Variants in PCCA observed in about 807,000 individuals in gnomAD.
PCCA encodes propionyl-CoA carboxylase subunit alpha.
A neutral mutation model predicts 101.3 loss-of-function variants in PCCA; 74 were observed. The ratio of observed to expected loss-of-function variants is 0.73; its 90% CI spans 0.61 to 0.89. The LOEUF is 0.89. Among genes scored for constraint, PCCA ranks in the 40% least tolerant of loss-of-function variants. PCCA has a pLI of 0.00. For synonymous variants in PCCA, 294 were observed against 313.6 expected, an observed-to-expected ratio of 0.94 and a Z score of 0.66; for missense variants, 891 against 907.0, an observed-to-expected ratio of 0.98 and a Z score of 0.23.
chr13:100,332,999 T>C (rs142765928), intron 17 of PCCA, among the ~76,000 whole-genome samples: 2 of 152,156 alleles, frequency 1.3e-5, no homozygotes, highest in African/African-American at 2.4e-5. Flanking sequence ...TATGCTGGGG[T>C]TCAAATTCAT....
intron 21 of PCCA, among the ~76,000 whole-genome samples, chr13:100,458,519 CA>C (rs1033906093): frequency 6.6e-6 from 1 of 151,382 alleles, no homozygotes; most frequent in African/African-American, 2.4e-5. Context: ...CCTATAGACC[CA>C]GGTACTCAGA....
chr13:100,162,080 A>ATG (rs3034650), intron 6 of PCCA, among the ~76,000 whole-genome samples: 18,913 of 146,814 alleles, frequency 0.13, 1,240 homozygotes, highest in Non-Finnish European at 0.16. Context: ...GTGTGTCTGT[A>ATG]TGTGTGTGTG....
At chr13:100,365,959 C>A (rs1378811920) in intron 18 of PCCA, among the ~76,000 whole-genome samples, 4 of 152,118 alleles carry the variant, frequency 2.6e-5, no homozygotes, top group Non-Finnish European at 4.4e-5. Context: ...AAGAGTCTGT[C>A]CTAACCAAAT....
chr13:100,204,132 CTT>C (rs781004968), intron 6 of PCCA, among the ~76,000 whole-genome samples: 4 of 138,666 alleles, frequency 2.9e-5, no homozygotes, highest in Admixed American at 7.3e-5. Context: ...TTTTCCGTGG[CTT>C]TTTTTTTTTT....
rs2069402180 is a variant in PCCA, at chr13:100,330,574, T to C, written c.1443T>C (p.Asn481=). 6.2e-7 allele frequency: 1 copy of C among 1,600,460 alleles called. No individual in the cohort carries two copies. The highest frequency in any genetic ancestry group is 8.6e-7 in the Non-Finnish European group (1 of 1,168,262). The change falls in exon 17 of 24, where the codon AAT becomes AAC. Residue 481 remains asparagine (N), a synonymous_variant. Transcript: ENST00000376285. ...DNYVIRGVTH[N]IALLREVIIN... is the part of the protein sequence containing the mutation. ...TTTTACTTTTAGGTGTTACACATAA[T>C]ATTGCATTACTTCGAGAGGTGATAA...
chr13:100,322,147 A>G (rs567662401), intron 16 of PCCA, among the ~76,000 whole-genome samples: 1 of 152,300 alleles, frequency 6.6e-6, no homozygotes, highest in East Asian at 1.9e-4. Context: ...GAGGTCATTC[A>G]AAGATACACA....
At chr13:100,526,906 A>G (rs1334605664) in intron 22 of PCCA, among the ~76,000 whole-genome samples, 1 of 152,234 alleles carries the variant, frequency 6.6e-6, no homozygotes, top group East Asian at 1.9e-4. Flanking sequence ...GGGCGCTCCC[A>G]GTCTCCTAGC....
chr13:100,201,886 A>C (rs1038681410), intron 6 of PCCA, among the ~76,000 whole-genome samples: 2 of 144,890 alleles, frequency 1.4e-5, no homozygotes, highest in African/African-American at 2.6e-5. Context: ...AAAAAAAAAA[A>C]AACCAAAAGC....
At chr13:100,114,396 G>A (rs1350459406) in intron 4 of PCCA, among the ~76,000 whole-genome samples, 2 of 152,026 alleles carry the variant, frequency 1.3e-5, no homozygotes, top group East Asian at 1.9e-4. Flanking sequence ...TAAATAAATG[G>A]ATGTTTAACC....
rs569877709 is a variant in PCCA at position 100,150,784 on chromosome 13, C to G, written c.301-4195C>G. On this transcript the variant is annotated intron_variant, in intron 4 of 23. Coordinates refer to ENST00000376285, the MANE Select transcript of PCCA (RefSeq NM_000282.4). Reference sequence around the variant, plus strand: ...AAGCCCCACAGTGGCGTCCAGCTTGCTCCTCTGCAACGGACTGAAGGCTTG... The same window carrying G: ...AAGCCCCACAGTGGCGTCCAGCTTGGTCCTCTGCAACGGACTGAAGGCTTG... 2.0e-5 allele frequency: 31 copies of G among 1,587,014 alleles called. No homozygotes were observed. The African/African-American group carries it at 3.5e-4, about 18-fold the overall frequency.
intron 4 of PCCA, among the ~76,000 whole-genome samples, chr13:100,124,400 A>G (rs1350410438): frequency 2.0e-5 from 3 of 152,222 alleles, no homozygotes; most frequent in Non-Finnish European, 1.5e-5. Flanking sequence ...TTAGGGAAGT[A>G]TTCACTGTGA....
chr13:100,420,634 C>G (rs185423677), intron 19 of PCCA, among the ~76,000 whole-genome samples: 1 of 152,016 alleles, frequency 6.6e-6, no homozygotes, highest in African/African-American at 2.4e-5. Context: ...GGCTTTGTAA[C>G]CACAGAATTA....
chr13:100,525,030 C>T (rs61971601), intron 22 of PCCA, among the ~76,000 whole-genome samples: 1,132 of 107,472 alleles, frequency 0.011, 7 homozygotes, highest in African/African-American at 0.026. Flanking sequence ...GATAGATAGA[C>T]AGACAGACAG....
intron 22 of PCCA, among the ~76,000 whole-genome samples, chr13:100,516,830 G>A (rs1057474355): frequency 6.6e-6 from 1 of 151,208 alleles, no homozygotes; most frequent in Non-Finnish European, 1.5e-5. Flanking sequence ...ATAGTCTCGT[G>A]GCCTTGACAT....
At chr13:100,341,683 TTCATA>T (rs1044224902) in intron 18 of PCCA, among the ~76,000 whole-genome samples, 5 of 152,120 alleles carry the variant, frequency 3.3e-5, no homozygotes, top group Admixed American at 3.3e-4. Flanking sequence ...AAACCTGAAT[TTCATA>T]TTTTTTATTC....
intron 20 of PCCA, among the ~76,000 whole-genome samples, chr13:100,429,717 T>C (rs1038119273): frequency 6.6e-6 from 1 of 151,916 alleles, no homozygotes; most frequent in African/African-American, 2.4e-5. Context: ...AGCGATTCTC[T>C]TGCCTCAGCC....
rs370853392 is a variant in PCCA, at chr13:100,385,635, T to A, written c.1746+17061T>A. 1.1e-3 allele frequency among the ~76,000 whole-genome samples: 165 copies of A among 152,336 alleles called. 6 individuals are homozygous for A. The South Asian group carries it at 0.031, about 29-fold the overall frequency. On this transcript the variant is annotated intron_variant, in intron 19 of 23. Transcript: ENST00000376285. The stretch of plus-strand genomic sequence containing the variant: ...TTTGTTTTGATTTTATTTATTTATT[T>A]TTTTTGAGACCAGGTCTTGCTCTGT...
rs565310824 is a variant in PCCA at position 100,409,948 on chromosome 13, C to T, written c.1747-15685C>T. ...CTAATTTTTGTATTTTTAGTAGAGA[C>T]GGGGTTTCACCATGTTGGTCAGGCT... is the stretch of plus-strand genomic sequence containing the variant. On this transcript the variant is annotated intron_variant, in intron 19 of 23. Coordinates refer to ENST00000376285, the MANE Select transcript of PCCA (RefSeq NM_000282.4). 4.2e-3 allele frequency among the ~76,000 whole-genome samples: 631 copies of T among 151,922 alleles called. 2 individuals are homozygous for T. Among genetic ancestry groups the T allele is most frequent in the African/African-American group, 0.01 (426 of 41,426 alleles).
intron 4 of PCCA, chr13:100,151,188 G>T (rs2053269438): frequency 1.4e-6 from 1 of 710,236 alleles, no homozygotes; most frequent in Non-Finnish European, 2.3e-6. Context: ...TCTCAGTCCT[G>T]TAAGATGAAA....
Sources: gnomAD v4.1 joint callset for allele counts (sites outside exome capture counted in the v4.1 genomes callset) on GRCh38, gnomAD v4.1.1 for gene constraint, MANE v1.5 for transcripts, NCBI Gene and HGNC (gene_info 2026-07-23, HGNC 2026-07-21) for gene names.